BTBD9: variants seen among roughly 807,000 people sequenced by gnomAD.
BTBD9 encodes the protein BTB domain containing 9.
In BTBD9, 49 loss-of-function variants were observed where a neutral mutation model predicts 64.3. That is an observed-to-expected ratio of 0.76 (90% CI 0.61 to 0.97). The LOEUF (loss-of-function observed/expected upper bound fraction) is 0.97. BTBD9 is among the 50% of genes least tolerant of loss of function. The probability of loss-of-function intolerance (pLI) is 0.00; values close to 1 mark genes in which losing one functional copy is unlikely to be tolerated. For missense variants in BTBD9, 598 were observed against 762.1 expected (o/e 0.78, Z 2.53); for synonymous variants, 260 against 274.7 (o/e 0.95, Z 0.53).
rs377395112 is a variant in BTBD9 at position 38,295,789 on chromosome 6, T to C, written c.1265-7328A>G. Among the ~76,000 whole-genome samples, 26 of 152,248 alleles carry C rather than the reference T, an allele frequency of 1.7e-4. No individual in the cohort carries two copies. In the East Asian group the frequency reaches 4.4e-3, roughly 26 times the overall value. ...GGCTGGATATGGTGGCTCATGCCTG[T>C]AATAATCCCAGCTCTTTGGGAGGCG... On this transcript the variant is annotated intron_variant, in intron 7 of 10. Coordinates refer to ENST00000481247, the MANE Select transcript of BTBD9 (RefSeq NM_001099272.2).
intron 9 of BTBD9, chr6:38,207,266 GA>G: frequency 4.3e-6 from 1 of 233,430 alleles, no homozygotes; most frequent in Admixed American, 4.4e-5. Flanking sequence ...TGTGTTAAAA[GA>G]AAATGGGGTC....
intron 9 of BTBD9, among the ~76,000 whole-genome samples, chr6:38,203,925 A>T (rs1194888548): frequency 6.6e-6 from 1 of 152,202 alleles, no homozygotes; most frequent in Non-Finnish European, 1.5e-5. Context: ...AACACATAGA[A>T]ATGATAAATA....
At chr6:38,402,672 G>C in intron 6 of BTBD9, 1 of 588,760 alleles carries the variant, frequency 1.7e-6, no homozygotes, top group Non-Finnish European at 3.0e-6. Context: ...ACTAAAAATG[G>C]ATCAAAGACC....
At chr6:38,420,082 A>C (rs1419971072) in intron 6 of BTBD9, among the ~76,000 whole-genome samples, 3 of 152,184 alleles carry the variant, frequency 2.0e-5, no homozygotes, top group Non-Finnish European at 4.4e-5. Flanking sequence ...CTAACAAATA[A>C]GTAATAAAAA....
At chr6:38,441,477 G>A (rs1161844978) in intron 6 of BTBD9, among the ~76,000 whole-genome samples, 1 of 152,080 alleles carries the variant, frequency 6.6e-6, no homozygotes, top group Non-Finnish European at 1.5e-5. Context: ...GCTGGACAAC[G>A]CGAGCCAATC....
rs1885330 is a variant in BTBD9, at chr6:38,174,163, A to T, written c.*822T>A. 6.6e-6 allele frequency: 1 copy of T among 152,224 alleles called. No individual in the cohort carries two copies. The highest frequency in any genetic ancestry group is 2.4e-5 in the African/African-American group (1 of 41,438). The allele number at this position is 152,224 out of a possible 1,614,324, so 9.4% of individuals were successfully genotyped here. ...TCGGAACAGTGAATTAGCAGCGGGC[A>T]TAGTAACTATTTCCTTGTCAGCCTC... On this transcript the variant is annotated 3_prime_UTR_variant, in exon 11 of 11. Transcript: ENST00000481247.
chr6:38,544,076 C>T (rs1774416623), intron 6 of BTBD9, among the ~76,000 whole-genome samples: 1 of 151,988 alleles, frequency 6.6e-6, no homozygotes, highest in Non-Finnish European at 1.5e-5. Flanking sequence ...ATTCCACATC[C>T]ATAGATTCAA....
intron 9 of BTBD9, among the ~76,000 whole-genome samples, chr6:38,198,477 C>T (rs1000464313): frequency 3.9e-5 from 6 of 152,156 alleles, no homozygotes; most frequent in Non-Finnish European, 7.4e-5. Flanking sequence ...AAAGGGTGAC[C>T]GTAGTGCTCA....
chr6:38,442,193 A>G (rs1240406696), intron 6 of BTBD9, among the ~76,000 whole-genome samples: 1 of 152,176 alleles, frequency 6.6e-6, no homozygotes, highest in African/African-American at 2.4e-5. Flanking sequence ...AATTCCTATA[A>G]TAACAGAGTC....
At chr6:38,502,172 G>C (rs1007047760) in intron 6 of BTBD9, among the ~76,000 whole-genome samples, 5 of 152,164 alleles carry the variant, frequency 3.3e-5, no homozygotes, top group Non-Finnish European at 5.9e-5. Flanking sequence ...TGGGTGGCTG[G>C]GCCAGCTGCT....
chr6:38,196,847 G>A (rs1021580566), intron 9 of BTBD9, among the ~76,000 whole-genome samples: 2 of 152,124 alleles, frequency 1.3e-5, no homozygotes, highest in African/African-American at 2.4e-5. Flanking sequence ...AATTTTGAGA[G>A]GGTGCCCAGA....
intron 8 of BTBD9, among the ~76,000 whole-genome samples, chr6:38,279,525 A>T (rs1044215964): frequency 1.3e-5 from 2 of 152,190 alleles, no homozygotes; most frequent in African/African-American, 4.8e-5. Context: ...ATATTAAAGC[A>T]ATTTGATGTA....
chr6:38,277,402 C>T (rs1289192712), intron 8 of BTBD9, among the ~76,000 whole-genome samples: 7 of 151,550 alleles, frequency 4.6e-5, no homozygotes, highest in Non-Finnish European at 8.8e-5. Context: ...GGCGTGATCT[C>T]GGCTCACTGC....
chr6:38,305,806 T>C (rs771730216), intron 7 of BTBD9, among the ~76,000 whole-genome samples: 44 of 152,122 alleles, frequency 2.9e-4, no homozygotes, highest in African/African-American at 9.2e-4. Flanking sequence ...AAAAGGTCTT[T>C]TATGCCCGAG....
At chr6:38,604,503 A>G (rs981321153) in intron 1 of BTBD9, among the ~76,000 whole-genome samples, 2 of 152,224 alleles carry the variant, frequency 1.3e-5, no homozygotes, top group African/African-American at 4.8e-5. Flanking sequence ...GCTCAGTGCT[A>G]GGCGACAGAA....
intron 6 of BTBD9, among the ~76,000 whole-genome samples, chr6:38,380,806 C>T (rs531733920): frequency 6.6e-6 from 1 of 152,290 alleles, no homozygotes; most frequent in Admixed American, 6.5e-5. Flanking sequence ...GATCATGACA[C>T]TGCACTTCAG....
rs570767574 is a variant in BTBD9 at position 38,587,904 on chromosome 6, A to G, written c.814+4672T>C. On this transcript the variant is annotated intron_variant, in intron 4 of 10. Coordinates refer to ENST00000481247, the MANE Select transcript of BTBD9 (RefSeq NM_001099272.2). ...TCGGCATTTGGCTTAACAGATGATCAGGTTTCAGGGCAACCCAGTGCTCCT... is the reference window on the plus strand; with the variant it reads ...TCGGCATTTGGCTTAACAGATGATCGGGTTTCAGGGCAACCCAGTGCTCCT... The G allele has an allele frequency of 3.6e-5, 26 of 723,204 alleles. No homozygotes were observed. In the African/African-American group the frequency reaches 4.0e-4, roughly 11 times the overall value. 44.8% of individuals were successfully genotyped at this position (723,204 alleles called of 1,614,324 possible).
intron 1 of BTBD9, among the ~76,000 whole-genome samples, chr6:38,637,969 CT>C (rs1397492815): frequency 6.6e-6 from 1 of 152,192 alleles, no homozygotes; most frequent in Non-Finnish European, 1.5e-5. Context: ...TCCCAACCTG[CT>C]AAGCCATCTC....
intron 6 of BTBD9, among the ~76,000 whole-genome samples, chr6:38,493,944 A>C (rs1409324406): frequency 6.6e-6 from 1 of 152,256 alleles, no homozygotes; most frequent in African/African-American, 2.4e-5. Flanking sequence ...ACACAGCATT[A>C]AACATTTCGA....
Sources: allele counts gnomAD v4.1 joint callset (sites outside exome capture counted in the v4.1 genomes callset), GRCh38; gene constraint gnomAD v4.1.1; transcripts MANE v1.5; gene names NCBI Gene and HGNC (gene_info 2026-07-23, HGNC 2026-07-21).